NEBL: variants seen among roughly 807,000 people sequenced by gnomAD.
The protein encoded by NEBL is nebulette, also known as LIM and SH3 protein 2.
NEBL carries 122 observed loss-of-function variants against 140.2 expected under a neutral mutation model. The ratio of observed to expected loss-of-function variants is 0.87; its 90% CI spans 0.75 to 1.01. NEBL has a LOEUF of 1.01. Ranked by LOEUF, NEBL falls within the 50% of genes least tolerant of loss-of-function variation. The pLI is 0.00. For synonymous variants in NEBL, 436 were observed against 398.9 expected, an observed-to-expected ratio of 1.09 and a Z score of -1.11; for missense variants, 1,365 against 1,231.3, an observed-to-expected ratio of 1.11 and a Z score of -1.62.
intron 3 of NEBL, among the ~76,000 whole-genome samples, chr10:20,967,150 C>T (rs926923516): frequency 1.3e-5 from 2 of 151,522 alleles, no homozygotes; most frequent in South Asian, 4.2e-4. Flanking sequence ...CCTGGACCAA[C>T]ATGTTCTTAA....
intron 4 of NEBL, among the ~76,000 whole-genome samples, chr10:20,923,100 GCT>G (rs1177833405): frequency 6.6e-6 from 1 of 151,500 alleles, no homozygotes; most frequent in African/African-American, 2.4e-5. Flanking sequence ...ACAGGGTCTC[GCT>G]CTGTCACCCA....
intron 1 of NEBL, among the ~76,000 whole-genome samples, chr10:21,253,156 G>C (rs1842608683): frequency 6.6e-6 from 1 of 152,200 alleles, no homozygotes; most frequent in African/African-American, 2.4e-5. Context: ...AAGCTACTCA[G>C]GAGGCTGAGG....
chr10:21,257,280 A>G (rs1842670417), intron 1 of NEBL, among the ~76,000 whole-genome samples: 1 of 152,176 alleles, frequency 6.6e-6, no homozygotes, highest in African/African-American at 2.4e-5. Flanking sequence ...ACCTATATAA[A>G]TATCTTCACT....
At chr10:21,016,353 G>C (rs566400511) in intron 3 of NEBL, among the ~76,000 whole-genome samples, 1 of 152,238 alleles carries the variant, frequency 6.6e-6, no homozygotes, top group South Asian at 2.1e-4. Flanking sequence ...TGACAATCTG[G>C]CACCTGATAT....
At chr10:21,155,515 A>C (rs1332314662) in intron 2 of NEBL, among the ~76,000 whole-genome samples, 1 of 152,210 alleles carries the variant, frequency 6.6e-6, no homozygotes, top group Admixed American at 6.5e-5. Context: ...GATCCCACAG[A>C]TAAGTGATAA....
intron 2 of NEBL, among the ~76,000 whole-genome samples, chr10:21,040,496 A>C (rs641632): frequency 0.61 from 92,694 of 151,754 alleles, 28,382 homozygotes; most frequent in East Asian, 0.72. Flanking sequence ...AGCGAAGGAG[A>C]AATAGAGGAG....
intron 3 of NEBL, among the ~76,000 whole-genome samples, chr10:21,016,889 G>A (rs749444086): frequency 2.0e-5 from 3 of 152,170 alleles, no homozygotes; most frequent in Non-Finnish European, 2.9e-5. Flanking sequence ...TATTCTTACA[G>A]AAGTGTTTTC....
At chr10:20,855,583 C>A (rs968997150) in intron 9 of NEBL, among the ~76,000 whole-genome samples, 1 of 151,566 alleles carries the variant, frequency 6.6e-6, no homozygotes, top group Non-Finnish European at 1.5e-5. Flanking sequence ...ACTTCGAATG[C>A]GTGTCTTTCC....
At chr10:21,028,857 A>C (rs1467467309) in intron 2 of NEBL, 1 of 319,334 alleles carries the variant, frequency 3.1e-6, no homozygotes. Flanking sequence ...AAACAATTCA[A>C]TAATCATAAA....
intron 1 of NEBL, among the ~76,000 whole-genome samples, chr10:21,258,782 G>C (rs1842697860): frequency 6.6e-6 from 1 of 152,168 alleles, no homozygotes. Context: ...AGGAGGTTGA[G>C]GCAGGAGAAT....
rs1309537572 is a variant in NEBL, at chr10:20,817,707, T to C, written c.2056-15A>G. On this transcript the variant is annotated splice_polypyrimidine_tract_variant and intron_variant, in intron 20 of 27. Transcript: ENST00000377122. ...TTATATTTTACCTAAGAAGGATAAA[T>C]AAGAACTTTAACAGATAGCACAATG... 4 of 1,580,974 alleles carry C rather than the reference T, an allele frequency of 2.5e-6. No homozygotes were observed. In the Admixed American group the frequency reaches 5.0e-5, roughly 20 times the overall value.
chr10:21,033,168 C>A (rs898598694), intron 2 of NEBL, among the ~76,000 whole-genome samples: 1 of 152,106 alleles, frequency 6.6e-6, no homozygotes, highest in Non-Finnish European at 1.5e-5. Context: ...GAACACCAAC[C>A]GGCACTGTTG....
At chr10:21,166,638 A>T (rs1840791528) in intron 2 of NEBL, among the ~76,000 whole-genome samples, 1 of 152,174 alleles carries the variant, frequency 6.6e-6, no homozygotes, top group African/African-American at 2.4e-5. Context: ...GTTACTTCTC[A>T]TACAGCCCTG....
chr10:20,859,846 G>C lies in NEBL; in HGVS notation c.685-20C>G. On this transcript the variant is annotated intron_variant, in intron 7 of 27. Transcript: ENST00000377122. ...TTTAATCTGTCATAAAAGAGAAATAGTACATGTAACTTTACATTTAAAAGT... is the reference window on the plus strand; with the variant it reads ...TTTAATCTGTCATAAAAGAGAAATACTACATGTAACTTTACATTTAAAAGT... 1 of 1,145,834 alleles carries C rather than the reference G, an allele frequency of 8.7e-7. No individual in the cohort carries two copies. Among genetic ancestry groups the C allele is most frequent in the Non-Finnish European group, 1.3e-6 (1 of 764,314 alleles). 71.0% of individuals were successfully genotyped at this position (1,145,834 alleles called of 1,614,324 possible).
chr10:21,252,698 G>A (rs1842601840), intron 1 of NEBL, among the ~76,000 whole-genome samples: 1 of 152,210 alleles, frequency 6.6e-6, no homozygotes, highest in Admixed American at 6.5e-5. Flanking sequence ...GCTCACACCT[G>A]TAATCCTAGC....
At chr10:21,250,499 A>G (rs1842573901) in intron 2 of NEBL, among the ~76,000 whole-genome samples, 2 of 152,196 alleles carry the variant, frequency 1.3e-5, no homozygotes, top group South Asian at 4.1e-4. Context: ...CACCCTTTAT[A>G]TATATACATA....
At chr10:20,868,150 CA>C (rs1364072111) in intron 7 of NEBL, 1 of 151,470 alleles carries the variant, frequency 6.6e-6, no homozygotes, top group Non-Finnish European at 1.5e-5. Flanking sequence ...AACTTTCAGC[CA>C]AAAACATAAA....
At chr10:21,268,948 C>G (rs539462252) in intron 1 of NEBL, among the ~76,000 whole-genome samples, 1 of 152,056 alleles carries the variant, frequency 6.6e-6, no homozygotes, top group South Asian at 2.1e-4. Context: ...TGTGTATAAT[C>G]CCTAGAGCAT....
At chr10:20,811,089 T>C (rs1838090557) in intron 24 of NEBL, among the ~76,000 whole-genome samples, 1 of 152,152 alleles carries the variant, frequency 6.6e-6, no homozygotes, top group Admixed American at 6.5e-5. Flanking sequence ...AGCTGGCTCA[T>C]TGGAAAGTTT....
Sources: gnomAD v4.1 joint callset for allele counts (sites outside exome capture counted in the v4.1 genomes callset) on GRCh38, gnomAD v4.1.1 for gene constraint, MANE v1.5 for transcripts, NCBI Gene and HGNC (gene_info 2026-07-23, HGNC 2026-07-21) for gene names.